COTL1: variants seen among roughly 807,000 people sequenced by gnomAD.
The protein encoded by COTL1 is coactosin-like protein.
COTL1 carries 15 observed loss-of-function variants against 16.5 expected under a neutral mutation model. The ratio of observed to expected loss-of-function variants is 0.91; its 90% CI spans 0.61 to 1.40. COTL1 has a LOEUF of 1.40. Ranked by LOEUF, COTL1 falls within the 40% of genes most tolerant of loss-of-function variation. COTL1 has a pLI of 0.00. For synonymous variants in COTL1, 112 were observed against 85.3 expected, an observed-to-expected ratio of 1.31 and a Z score of -1.73; for missense variants, 220 against 201.5, an observed-to-expected ratio of 1.09 and a Z score of -0.56.
At chr16:84,600,920 T>C (rs1905094974) in intron 2 of COTL1, among the ~76,000 whole-genome samples, 1 of 152,192 alleles carries the variant, frequency 6.6e-6, no homozygotes, top group Non-Finnish European at 1.5e-5. Flanking sequence ...TTTCCCCCTA[T>C]GACAAAGCAC....
intron 2 of COTL1, among the ~76,000 whole-genome samples, chr16:84,613,421 A>C (rs1272520167): frequency 6.6e-6 from 1 of 152,204 alleles, no homozygotes; most frequent in East Asian, 1.9e-4. Context: ...GCATGGTAGA[A>C]ACCTCCAAAA....
At chr16:84,603,226 A>T (rs903965697) in intron 2 of COTL1, among the ~76,000 whole-genome samples, 6 of 152,174 alleles carry the variant, frequency 3.9e-5, no homozygotes, top group African/African-American at 1.2e-4. Flanking sequence ...AAGCCTGCGC[A>T]CACCAGCCCC....
intron 2 of COTL1, among the ~76,000 whole-genome samples, chr16:84,593,680 T>A (rs1387187258): frequency 6.6e-6 from 1 of 151,930 alleles, no homozygotes; most frequent in Non-Finnish European, 1.5e-5. Context: ...CCCGGCTAAT[T>A]TTTTGTATTT....
At chr16:84,584,896 G>A (rs111600171) in intron 3 of COTL1, among the ~76,000 whole-genome samples, 5 of 152,114 alleles carry the variant, frequency 3.3e-5, no homozygotes, top group African/African-American at 1.2e-4. Flanking sequence ...TGTGCCCAAG[G>A]CCACACAGTA....
chr16:84,613,227 T>C (rs1260628822), intron 2 of COTL1, among the ~76,000 whole-genome samples: 1 of 152,090 alleles, frequency 6.6e-6, no homozygotes, highest in East Asian at 1.9e-4. Flanking sequence ...CTCGAACTCC[T>C]GACCTCAAGT....
At chr16:84,571,257 A>G (rs1352976735) in intron 3 of COTL1, among the ~76,000 whole-genome samples, 2 of 152,056 alleles carry the variant, frequency 1.3e-5, no homozygotes, top group Admixed American at 6.5e-5. Flanking sequence ...CTGGGACTCG[A>G]TGCAGCCCAC....
At position 84,566,894 on chromosome 16, in the gene COTL1, C is replaced by T. The variant is rs369399633; in HGVS notation, c.380G>A (p.Ser127Asn). 1 of 1,614,000 alleles carries T rather than the reference C, an allele frequency of 6.2e-7. No individual in the cohort carries two copies. Among genetic ancestry groups the T allele is most frequent in the African/African-American group, 1.3e-5 (1 of 74,924 alleles). The change falls in exon 4 of 4, where the codon AGC becomes AAC. Residue 127 changes from serine to asparagine, a missense_variant. Ser to Asn is a conservative substitution (Grantham distance 46). Coordinates refer to ENST00000262428, the MANE Select transcript of COTL1 (RefSeq NM_021149.5). Reference sequence around the variant, plus strand: ...GGCTCCCCCCGCCTTCTTCAGCTCGCTCTTGATGAAATCTTCCTCCAGCTC... The same window carrying T: ...GGCTCCCCCCGCCTTCTTCAGCTCGTTCTTGATGAAATCTTCCTCCAGCTC... ...RKELEEDFIK[S>N]ELKKAGGANY...
At chr16:84,586,667 T>A (rs1904740185) in intron 3 of COTL1, among the ~76,000 whole-genome samples, 1 of 152,192 alleles carries the variant, frequency 6.6e-6, no homozygotes, top group Non-Finnish European at 1.5e-5. Context: ...GTCTCCTGAG[T>A]TGATCTCCTG....
At position 84,590,323 on chromosome 16, in the gene COTL1, C is replaced by G; in HGVS notation, c.161-61G>C. On this transcript the variant is annotated intron_variant, in intron 2 of 3. Coordinates refer to ENST00000262428, the MANE Select transcript of COTL1 (RefSeq NM_021149.5). The surrounding 1 kb of genome is among the most constrained non-coding windows in gnomAD (Gnocchi z 5.5). ...GTTAAAACACCCCCATGTCATGTCC[C>G]TGGGGAGAGGCTGTGAGCCACGAGT... The G allele has an allele frequency of 6.3e-7, 1 of 1,575,546 alleles. No individual in the cohort carries two copies. The highest frequency in any genetic ancestry group is 1.2e-5 in the South Asian group (1 of 86,326).
rs573143169 is a variant in COTL1 at position 84,566,553 on chromosome 16, G to A, written c.*292C>T. ...TCACTGCAGGAGGCACCTCGGATCT[G>A]ATGGCAGGCAGGACCTTGCATCAAA... is the stretch of plus-strand genomic sequence containing the variant. On this transcript the variant is annotated 3_prime_UTR_variant, in exon 4 of 4. Transcript: ENST00000262428. 2 of 335,968 alleles carry A rather than the reference G, an allele frequency of 6.0e-6. No homozygotes were observed. The highest frequency in any genetic ancestry group is 9.4e-5 in the Admixed American group (2 of 21,326). The allele number at this position is 335,968 out of a possible 1,614,324, so 20.8% of individuals were successfully genotyped here. A position where few individuals can be genotyped will look rare whatever the true frequency, so the allele number is the denominator to read the frequency against.
intron 2 of COTL1, chr16:84,616,504 AAAAT>A (rs371812172): frequency 4.0e-4 from 60 of 150,148 alleles, no homozygotes; most frequent in African/African-American, 1.2e-3. Context: ...TTCTGTCTCA[AAAAT>A]AAATAAATAA....
At chr16:84,617,714 C>G in intron 1 of COTL1, 124 bp downstream of exon 1, 1 of 1,379,406 alleles carries the variant, frequency 7.2e-7, no homozygotes. Flanking sequence ...GCACGCCGTC[C>G]CGGAATAAGG....
intron 2 of COTL1, chr16:84,596,724 A>G (rs1379212831): frequency 6.6e-6 from 1 of 152,436 alleles, no homozygotes; most frequent in Non-Finnish European, 1.5e-5. Flanking sequence ...GTCTCCACAC[A>G]CACACTCCCC....
chr16:84,594,065 T>C (rs575971725), intron 2 of COTL1, among the ~76,000 whole-genome samples: 13 of 152,132 alleles, frequency 8.5e-5, no homozygotes, highest in Non-Finnish European at 1.6e-4. Flanking sequence ...CAGCGTCACA[T>C]CTCCAAGGAT....
intron 2 of COTL1, among the ~76,000 whole-genome samples, chr16:84,600,602 T>C (rs1399729318): frequency 1.3e-5 from 2 of 152,232 alleles, no homozygotes; most frequent in African/African-American, 4.8e-5. Context: ...CGCGAGCCAC[T>C]GCGCCCGGCC....
Position 84,566,778 on chromosome 16 carries a change from C to A in COTL1, c.*67G>T. ...GGGCTGGTGGGCTAGTAGCTGAGGCCGGCGGTCCTCTCCCCCGGGGAGCAG... is the reference window on the plus strand; with the variant it reads ...GGGCTGGTGGGCTAGTAGCTGAGGCAGGCGGTCCTCTCCCCCGGGGAGCAG... On this transcript the variant is annotated 3_prime_UTR_variant, in exon 4 of 4. Transcript: ENST00000262428. 8 of 1,103,594 alleles carry A rather than the reference C, an allele frequency of 7.2e-6. No individual in the cohort carries two copies. Among genetic ancestry groups the A allele is most frequent in the East Asian group, 2.4e-5 (1 of 42,152 alleles). 68.4% of individuals were successfully genotyped at this position (1,103,594 alleles called of 1,614,324 possible). A position where few individuals can be genotyped will look rare whatever the true frequency, so the allele number is the denominator to read the frequency against.
rs1904763517 is a variant in COTL1, at chr16:84,587,673, C to G, written c.318+2432G>C. On this transcript the variant is annotated intron_variant, in intron 3 of 3. Coordinates refer to ENST00000262428, the MANE Select transcript of COTL1 (RefSeq NM_021149.5). Reference sequence around the variant, plus strand: ...CCTATAGGCTGGGACCACAGCAAAGCCGAAAGGCAGGAGGCGAGCCCGTCC... The same window carrying G: ...CCTATAGGCTGGGACCACAGCAAAGGCGAAAGGCAGGAGGCGAGCCCGTCC... 5.3e-5 allele frequency among the ~76,000 whole-genome samples: 8 copies of G among 152,184 alleles called. No individual in the cohort carries two copies. The South Asian group carries it at 1.7e-3, about 32-fold the overall frequency.
intron 3 of COTL1, among the ~76,000 whole-genome samples, chr16:84,589,671 T>C (rs1479878497): frequency 6.6e-6 from 1 of 152,072 alleles, no homozygotes; most frequent in Non-Finnish European, 1.5e-5. Context: ...TTTTCTTTAA[T>C]GGCCAGAATG....
chr16:84,577,286 C>G (rs559841454), intron 3 of COTL1, among the ~76,000 whole-genome samples: 3 of 152,296 alleles, frequency 2.0e-5, no homozygotes, highest in South Asian at 4.1e-4. Context: ...GCTCCACTGC[C>G]CAGTCTGGAG....
Sources: allele counts gnomAD v4.1 joint callset (sites outside exome capture counted in the v4.1 genomes callset), GRCh38; gene constraint gnomAD v4.1.1; non-coding constraint Gnocchi (gnomAD v3.1); transcripts MANE v1.5; gene names NCBI Gene and HGNC (gene_info 2026-07-23, HGNC 2026-07-21).